The following CDCA2 variants were observed in gnomAD, a reference collection of about 807,000 sequenced individuals.
CDCA2 encodes the protein cell division cycle-associated protein 2.
Under a neutral mutation model 67.0 loss-of-function variants are expected in CDCA2, and 44 were observed. The observed-to-expected ratio is 0.66, with a 90% CI of 0.52 to 0.84. CDCA2 has a LOEUF of 0.84. Among genes scored for constraint, CDCA2 ranks in the 40% least tolerant of loss-of-function variants. CDCA2 has a pLI of 0.00. For synonymous variants in CDCA2, 447 were observed against 418.7 expected, an observed-to-expected ratio of 1.07 and a Z score of -0.82; for missense variants, 1,253 against 1,203.2, an observed-to-expected ratio of 1.04 and a Z score of -0.61.
intron 9 of CDCA2, 129 bp downstream of exon 9, chr8:25,483,615 A>G (rs545816049): frequency 7.6e-6 from 5 of 653,888 alleles, no homozygotes; most frequent in African/African-American, 3.7e-5. Context: ...TGAATGAAGA[A>G]CAGTTGAGAA....
intron 7 of CDCA2, among the ~76,000 whole-genome samples, chr8:25,470,295 T>G (rs1401819593): frequency 2.0e-5 from 3 of 152,226 alleles, no homozygotes; most frequent in Admixed American, 2.0e-4. Context: ...TTTAAGCATG[T>G]AAAAAGAGTC....
chr8:25,486,611 T>A (rs888627251), intron 11 of CDCA2, among the ~76,000 whole-genome samples: 6 of 149,966 alleles, frequency 4.0e-5, no homozygotes, highest in African/African-American at 1.5e-4. Flanking sequence ...AAGACCAGCC[T>A]GGTCAACTTG....
intron 13 of CDCA2, among the ~76,000 whole-genome samples, chr8:25,494,101 T>G (rs1804113560): frequency 6.6e-6 from 1 of 152,170 alleles, no homozygotes; most frequent in African/African-American, 2.4e-5. Context: ...TTCTATACAG[T>G]GATGCCAAGG....
Position 25,507,799 on chromosome 8 carries a change from T to G in CDCA2, c.*61T>G. ...AGTAACCATCTATGCTGAAATGATC[T>G]GTCTAGTTCCCATTCTCTGTTCAAC... On this transcript the variant is annotated 3_prime_UTR_variant, in exon 15 of 15. Transcript: ENST00000330560. The G allele has an allele frequency of 6.7e-7, 1 of 1,491,846 alleles. No homozygotes were observed. The highest frequency in any genetic ancestry group is 8.9e-7 in the Non-Finnish European group (1 of 1,124,450). 92.4% of individuals were successfully genotyped at this position (1,491,846 alleles called of 1,614,324 possible). A position where few individuals can be genotyped will look rare whatever the true frequency, so the allele number is the denominator to read the frequency against.
At chr8:25,483,723 A>C (rs1018611638) in intron 9 of CDCA2, among the ~76,000 whole-genome samples, 2 of 152,194 alleles carry the variant, frequency 1.3e-5, no homozygotes, top group African/African-American at 4.8e-5. Flanking sequence ...TTATATTTCA[A>C]TTTTATTAAC....
chr8:25,480,005 C>G lies in CDCA2; in HGVS notation c.913C>G (p.Pro305Ala). Residue 305 changes from proline to alanine, a missense_variant, in exon 8 of 15, where the codon CCT becomes GCT. Pro to Ala is a conservative substitution (Grantham distance 27, BLOSUM62 -1). Coordinates refer to ENST00000330560, the MANE Select transcript of CDCA2 (RefSeq NM_152562.4). Reference protein sequence around the residue: ...FTAEVSSDAVPDVRSPATPAC... With the variant: ...FTAEVSSDAVADVRSPATPAC... ...AGCAGAAGTGAGCTCAGACGCAGTCCCTGATGTCAGGTCACCAGCTACTCC... is the reference window on the plus strand; with the variant it reads ...AGCAGAAGTGAGCTCAGACGCAGTCGCTGATGTCAGGTCACCAGCTACTCC... The G allele has an allele frequency of 6.2e-7, 1 of 1,614,090 alleles. No homozygotes were observed. Among genetic ancestry groups the G allele is most frequent in the Non-Finnish European group, 8.5e-7 (1 of 1,180,018 alleles).
intron 8 of CDCA2, among the ~76,000 whole-genome samples, chr8:25,480,641 T>C (rs1259719216): frequency 6.6e-6 from 1 of 152,192 alleles, no homozygotes; most frequent in Non-Finnish European, 1.5e-5. Context: ...CTGGCATATA[T>C]ATATAACAGT....
Position 25,507,810 on chromosome 8 carries a change from C to T in CDCA2, c.*72C>T. 1 of 1,453,454 alleles carries T rather than the reference C, an allele frequency of 6.9e-7. No homozygotes were observed. Among genetic ancestry groups the T allele is most frequent in the Non-Finnish European group, 9.1e-7 (1 of 1,101,052 alleles). 90.0% of individuals were successfully genotyped at this position (1,453,454 alleles called of 1,614,324 possible). ...ATGCTGAAATGATCTGTCTAGTTCC[C>T]ATTCTCTGTTCAACCTCAGTGTTTC... is the stretch of plus-strand genomic sequence containing the variant. On this transcript the variant is annotated 3_prime_UTR_variant, in exon 15 of 15. Coordinates refer to ENST00000330560, the MANE Select transcript of CDCA2 (RefSeq NM_152562.4).
At chr8:25,478,067 C>A (rs531960013) in intron 7 of CDCA2, among the ~76,000 whole-genome samples, 2 of 151,788 alleles carry the variant, frequency 1.3e-5, no homozygotes, top group South Asian at 2.1e-4. Flanking sequence ...GCTGGGACCA[C>A]AGGTGCTCAC....
chr8:25,507,674 G>T lies in CDCA2; in HGVS notation c.3008G>T (p.Gly1003Val). ...TACCGGAGAAGATCCTCTCTTAATG[G>T]GAAGGGAGAGAGCTCTCTGACTGCC... ...KGYRRRSSLN[G>V]KGESSLTALE... Residue 1003 changes from glycine to valine, a missense_variant, in exon 15 of 15, where the codon GGG becomes GTG. By Grantham distance (109) the Gly-to-Val change is moderately radical. Coordinates refer to ENST00000330560, the MANE Select transcript of CDCA2 (RefSeq NM_152562.4). 1 of 1,614,130 alleles carries T rather than the reference G, an allele frequency of 6.2e-7. No homozygotes were observed. The highest frequency in any genetic ancestry group is 8.5e-7 in the Non-Finnish European group (1 of 1,180,024).
At chr8:25,502,876 G>A (rs1006306888) in intron 13 of CDCA2, among the ~76,000 whole-genome samples, 3 of 152,226 alleles carry the variant, frequency 2.0e-5, no homozygotes, top group Admixed American at 2.0e-4. Context: ...TGACTTTGTG[G>A]AAGTTACCTG....
chr8:25,498,869 C>T (rs1452363653), intron 13 of CDCA2, among the ~76,000 whole-genome samples: 4 of 152,194 alleles, frequency 2.6e-5, no homozygotes, highest in Admixed American at 2.0e-4. Flanking sequence ...GAGATTTGTC[C>T]AGGTTGTTAT....
intron 7 of CDCA2, among the ~76,000 whole-genome samples, chr8:25,477,697 C>G (rs566023757): frequency 2.0e-5 from 3 of 152,210 alleles, no homozygotes; most frequent in East Asian, 3.9e-4. Context: ...AAATAGTTGC[C>G]CGTGGCCTTT....
intron 13 of CDCA2, among the ~76,000 whole-genome samples, chr8:25,499,523 C>T (rs570182271): frequency 2.1e-4 from 32 of 151,900 alleles, no homozygotes; most frequent in African/African-American, 7.2e-4. Flanking sequence ...AGGCTTGTCT[C>T]GAATTCCTGA....
intron 10 of CDCA2, 119 bp downstream of exon 10, chr8:25,484,329 T>C (rs1033044311): frequency 3.0e-5 from 39 of 1,321,596 alleles, no homozygotes; most frequent in Non-Finnish European, 3.7e-5. Flanking sequence ...TATGCCATGG[T>C]TTAAATTAAT....
In CDCA2 at chr8:25,507,233, TGG is replaced by T. The variant is rs1804718231; in HGVS notation, c.2569_2570del (p.Gly857GlnfsTer6). 1 of 1,614,060 alleles carries T rather than the reference TGG, an allele frequency of 6.2e-7. No homozygotes were observed. Among genetic ancestry groups the T allele is most frequent in the Non-Finnish European group, 8.5e-7 (1 of 1,180,044 alleles). The stretch of plus-strand genomic sequence containing the variant: ...GGAAATCACACACCATCCTCCAGTG[TGG>T]GCAGCTCTGTAGAAATTAGTTTAGA... On this transcript the variant is annotated frameshift_variant, in exon 15 of 15. Transcript: ENST00000330560. LOFTEE classifies it low-confidence loss of function (END_TRUNC).
chr8:25,475,425 A>G (rs1022409283), intron 7 of CDCA2, among the ~76,000 whole-genome samples: 5 of 152,192 alleles, frequency 3.3e-5, no homozygotes, highest in Middle Eastern at 3.2e-3. Context: ...AGGCTGAGGC[A>G]GGAGAATTGC....
chr8:25,475,710 G>C (rs964385295), intron 7 of CDCA2, among the ~76,000 whole-genome samples: 1 of 152,146 alleles, frequency 6.6e-6, no homozygotes, highest in Non-Finnish European at 1.5e-5. Flanking sequence ...TAACCTGGAA[G>C]ACCCACTAAC....
chr8:25,501,640 G>A (rs1489747413), intron 13 of CDCA2, among the ~76,000 whole-genome samples: 1 of 152,196 alleles, frequency 6.6e-6, no homozygotes, highest in Non-Finnish European at 1.5e-5. Context: ...GCTTGTTTGA[G>A]ATTTGACTTA....
Sources: gnomAD v4.1 joint callset for allele counts (sites outside exome capture counted in the v4.1 genomes callset) on GRCh38, gnomAD v4.1.1 for gene constraint, MANE v1.5 for transcripts, NCBI Gene and HGNC (gene_info 2026-07-23, HGNC 2026-07-21) for gene names.